Variants in EBF3 observed in about 807,000 individuals in gnomAD.
EBF3 encodes the protein EBF transcription factor 3.
EBF3 carries 18 observed loss-of-function variants against 77.1 expected under a neutral mutation model. That is an observed-to-expected ratio of 0.23 (90% confidence interval 0.16 to 0.35). EBF3 has a LOEUF of 0.35. Ranked by LOEUF, EBF3 falls within the 10% of genes least tolerant of loss-of-function variation. EBF3 has a pLI of 1.00. For synonymous variants in EBF3, 350 were observed against 343.5 expected, an observed-to-expected ratio of 1.02 and a Z score of -0.21; for missense variants, 558 against 860.0, an observed-to-expected ratio of 0.65 and a Z score of 4.39.
At chr10:129,927,506 C>T (rs1856752462) in intron 6 of EBF3, among the ~76,000 whole-genome samples, 1 of 152,152 alleles carries the variant, frequency 6.6e-6, no homozygotes, top group African/African-American at 2.4e-5. Flanking sequence ...GTGGCCCCAC[C>T]AGAGAGACTC....
At chr10:129,902,603 C>T (rs1406402389) in intron 6 of EBF3, among the ~76,000 whole-genome samples, 1 of 152,166 alleles carries the variant, frequency 6.6e-6, no homozygotes, top group Admixed American at 6.5e-5. Context: ...CAGTAACCAC[C>T]TTTCTTCTCT....
At chr10:129,858,369 G>A (rs1851397442) in intron 10 of EBF3, among the ~76,000 whole-genome samples, 1 of 152,224 alleles carries the variant, frequency 6.6e-6, no homozygotes, top group African/African-American at 2.4e-5. Context: ...CAGTCTCGAT[G>A]CCACCTGTCC....
intron 6 of EBF3, among the ~76,000 whole-genome samples, chr10:129,929,530 C>T (rs2134408956): frequency 6.6e-6 from 1 of 152,246 alleles, no homozygotes; most frequent in South Asian, 2.1e-4. Flanking sequence ...CTTAATAATG[C>T]CTTGGAAAGC....
chr10:129,890,867 G>C (rs1176783113), intron 6 of EBF3, among the ~76,000 whole-genome samples: 2 of 152,168 alleles, frequency 1.3e-5, no homozygotes, highest in African/African-American at 4.8e-5. Context: ...AGTCACCAGA[G>C]AACTCTCAAT....
chr10:129,882,967 C>T (rs1393546762), intron 6 of EBF3, among the ~76,000 whole-genome samples: 4 of 152,194 alleles, frequency 2.6e-5, no homozygotes, highest in African/African-American at 9.7e-5. Flanking sequence ...AGATTGTCTC[C>T]TTAGAAATGC....
chr10:129,849,784 C>T (rs1200988616), intron 10 of EBF3, among the ~76,000 whole-genome samples: 1 of 152,252 alleles, frequency 6.6e-6, no homozygotes, highest in African/African-American at 2.4e-5. Flanking sequence ...ATTGATTTTA[C>T]ATGACATGGC....
chr10:129,873,253 G>C (rs910321533), intron 8 of EBF3, among the ~76,000 whole-genome samples, 199 bp downstream of exon 8: 2 of 152,238 alleles, frequency 1.3e-5, no homozygotes, highest in African/African-American at 4.8e-5. Context: ...AAGTCCCGCT[G>C]TTCAATAAAG....
intron 6 of EBF3, among the ~76,000 whole-genome samples, chr10:129,890,883 G>T (rs1488015507): frequency 1.3e-5 from 2 of 152,170 alleles, no homozygotes; most frequent in Non-Finnish European, 2.9e-5. Flanking sequence ...TCAATTTGTT[G>T]TGAGACCGCG....
At position 129,867,801 on chromosome 10, in the gene EBF3, G is replaced by A; in HGVS notation, c.893C>T (p.Thr298Ile). 1.9e-6 allele frequency: 3 copies of A among 1,614,220 alleles called. No individual in the cohort carries two copies. The highest frequency in any genetic ancestry group is 2.5e-6 in the Non-Finnish European group (3 of 1,180,040). Reference sequence around the variant, plus strand: ...GCTTACCTCGCTCCACACCAACATAGTTCCGAATACAACTTGCAGCCCGTC... The same window carrying A: ...GCTTACCTCGCTCCACACCAACATAATTCCGAATACAACTTGCAGCCCGTC... ...FFDGLQVVFG[T>I]MLVWSELITP... The change falls in exon 9 of 17, where the codon ACT (threonine) becomes ATT (isoleucine). Residue 298 changes from threonine to isoleucine, a missense_variant. Physicochemically the swap from Thr to Ile is moderately conservative, Grantham distance 89. This residue lies in a region of EBF3 where 112 missense variants were observed against 207.7 expected (regional missense o/e 0.54). Coordinates refer to ENST00000440978, the MANE Select transcript of EBF3 (RefSeq NM_001375380.1).
intron 6 of EBF3, among the ~76,000 whole-genome samples, chr10:129,910,492 T>C (rs1273586031): frequency 6.6e-6 from 1 of 152,096 alleles, no homozygotes; most frequent in African/African-American, 2.4e-5. Flanking sequence ...AAAATCCAAA[T>C]TGGAAGGGTC....
intron 6 of EBF3, among the ~76,000 whole-genome samples, chr10:129,955,086 G>A (rs529260265): frequency 3.3e-5 from 5 of 152,116 alleles, no homozygotes; most frequent in South Asian, 2.1e-4. Flanking sequence ...GAAATATGCC[G>A]TAAGCTGGAG....
At chr10:129,916,934 C>T (rs554833828) in intron 6 of EBF3, among the ~76,000 whole-genome samples, 2 of 152,346 alleles carry the variant, frequency 1.3e-5, no homozygotes, top group South Asian at 2.1e-4. Flanking sequence ...CCCAAAGCCA[C>T]ATCCAGGCCT....
chr10:129,880,298 G>C (rs1206278451), intron 6 of EBF3, among the ~76,000 whole-genome samples: 1 of 151,762 alleles, frequency 6.6e-6, no homozygotes, highest in Non-Finnish European at 1.5e-5. Context: ...ATACACACAT[G>C]CCACCCACAC....
chr10:129,946,663 C>T (rs1446614418), intron 6 of EBF3, among the ~76,000 whole-genome samples: 2 of 152,162 alleles, frequency 1.3e-5, no homozygotes, highest in Non-Finnish European at 1.5e-5. Context: ...CGAGGCCATG[C>T]GTCCCAGGCA....
chr10:129,963,563 G>A lies in EBF3; in HGVS notation c.135-40C>T. ...AGACAGCGGCCCGGTGAGGAGCGCG[G>A]CGCCGGCCGGCGGAGGGGGCCGGGC... is the stretch of plus-strand genomic sequence containing the variant. On this transcript the variant is annotated intron_variant, in intron 1 of 16. Transcript: ENST00000440978. This position sits in a 1 kb window ranked among gnomAD's most constrained non-coding sequence, Gnocchi z 7.1. 1.5e-6 allele frequency: 2 copies of A among 1,314,056 alleles called. No individual in the cohort carries two copies. The highest frequency in any genetic ancestry group is 1.9e-5 in the South Asian group (1 of 53,194). The allele number at this position is 1,314,056 out of a possible 1,614,324, so 81.4% of individuals were successfully genotyped here.
At chr10:129,942,774 TA>T (rs908139774) in intron 6 of EBF3, among the ~76,000 whole-genome samples, 18 of 152,260 alleles carry the variant, frequency 1.2e-4, no homozygotes, top group African/African-American at 4.3e-4. Flanking sequence ...ATGAAATCAA[TA>T]AAAAATTGTA....
chr10:129,891,061 T>C (rs926225234), intron 6 of EBF3, among the ~76,000 whole-genome samples: 3 of 152,230 alleles, frequency 2.0e-5, no homozygotes, highest in African/African-American at 4.8e-5. Flanking sequence ...AGGGAAATTA[T>C]GATTCATGTC....
chr10:129,920,305 G>A lies in EBF3; in HGVS notation c.554+36953C>T, dbSNP rs969024418. 9.2e-4 allele frequency among the ~76,000 whole-genome samples: 129 copies of A among 139,780 alleles called. 1 individual carries two copies. The highest frequency in any genetic ancestry group is 3.5e-3 in the African/African-American group (115 of 33,204). The allele number at this position is 139,780 out of a possible 152,430, so 91.7% of individuals were successfully genotyped here. On this transcript the variant is annotated intron_variant, in intron 6 of 16. Transcript: ENST00000440978. ...TCCAGGAGGGCCACAAACCCGCCCC[G>A]CTGTGCGGTCTAGGGCCAGTATCTC...
Position 129,908,948 on chromosome 10 carries a change from A to G in EBF3, c.555-31099T>C, listed in dbSNP as rs564257387. On this transcript the variant is annotated intron_variant, in intron 6 of 16. Transcript: ENST00000440978. ...TAACTCTGCTTCTTAAAGATATACT[A>G]AAAGTATTCTTTTAATAAGCAAACC... Among the ~76,000 whole-genome samples, 177 of 152,330 alleles carry G rather than the reference A, an allele frequency of 1.2e-3. 1 individual carries two copies. Among genetic ancestry groups the G allele is most frequent in the Non-Finnish European group, 7.5e-4 (51 of 68,040 alleles).
Sources: gnomAD v4.1 joint callset for allele counts (sites outside exome capture counted in the v4.1 genomes callset) on GRCh38, gnomAD v4.1.1 for gene constraint, gnomAD v4.1.1 regional missense constraint, Gnocchi (gnomAD v3.1) non-coding constraint, MANE v1.5 for transcripts, NCBI Gene and HGNC (gene_info 2026-07-23, HGNC 2026-07-21) for gene names.